Variants in LCA5 observed in about 807,000 individuals in gnomAD.
LCA5 encodes lebercilin.
In LCA5, 37 loss-of-function variants were observed where a neutral mutation model predicts 53.0. The ratio of observed to expected loss-of-function variants is 0.70; its 90% CI spans 0.54 to 0.92. The LOEUF is 0.92. LCA5 is among the 40% of genes least tolerant of loss of function. The pLI is 0.00. For missense variants in LCA5, 806 were observed against 790.5 expected, an observed-to-expected ratio of 1.02 and a Z score of -0.23; for synonymous variants, 303 against 282.9, an observed-to-expected ratio of 1.07 and a Z score of -0.71.
intron 3 of LCA5, among the ~76,000 whole-genome samples, chr6:79,506,374 T>G (rs1168661851): frequency 1.3e-5 from 2 of 152,180 alleles, no homozygotes; most frequent in African/African-American, 4.8e-5. Flanking sequence ...GAAGACAGTT[T>G]CCCATTTCAT....
intron 1 of LCA5, among the ~76,000 whole-genome samples, chr6:79,535,985 C>T: frequency 6.6e-6 from 1 of 152,058 alleles, no homozygotes; most frequent in Middle Eastern, 3.2e-3. Context: ...AATTATAGTT[C>T]CACAATATGT....
chr6:79,509,414 A>G (rs2127677422), intron 3 of LCA5, among the ~76,000 whole-genome samples: 1 of 149,740 alleles, frequency 6.7e-6, no homozygotes, highest in South Asian at 2.1e-4. Context: ...AGATCATGTC[A>G]CTGCACTCCA....
chr6:79,507,415 T>C (rs1770299046), intron 3 of LCA5, among the ~76,000 whole-genome samples: 1 of 152,268 alleles, frequency 6.6e-6, no homozygotes, highest in East Asian at 1.9e-4. Flanking sequence ...GTGTCAATAA[T>C]TTTTAAGAGA....
At chr6:79,535,211 G>C (rs1312623432) in intron 1 of LCA5, among the ~76,000 whole-genome samples, 1 of 152,026 alleles carries the variant, frequency 6.6e-6, no homozygotes, top group African/African-American at 2.4e-5. Flanking sequence ...ATAATAAGTG[G>C]GACTGGATCG....
intron 3 of LCA5, among the ~76,000 whole-genome samples, chr6:79,502,414 TG>T (rs1357065315): frequency 6.6e-6 from 1 of 152,222 alleles, no homozygotes; most frequent in Non-Finnish European, 1.5e-5. Flanking sequence ...TAATGAAACC[TG>T]TTTTCTTTAA....
rs2127675424 is a variant in LCA5 at position 79,505,693 on chromosome 6, A to G, written c.720+7519T>C. On this transcript the variant is annotated intron_variant, in intron 3 of 7. Coordinates refer to ENST00000369846, the MANE Select transcript of LCA5 (RefSeq NM_001122769.3). Reference sequence around the variant, plus strand: ...TCCTAATTAGCTTCATTTGTTAGATAAATGCAGAAGAGGTAGAAGAGGCAA... The same window carrying G: ...TCCTAATTAGCTTCATTTGTTAGATGAATGCAGAAGAGGTAGAAGAGGCAA... Among the ~76,000 whole-genome samples the G allele has an allele frequency of 1.3e-5, 2 of 152,322 alleles. 1 individual carries two copies. Among genetic ancestry groups the G allele is most frequent in the South Asian group, 4.1e-4 (2 of 4,830 alleles).
intron 5 of LCA5, 81 bp downstream of exon 5, chr6:79,492,470 T>A: frequency 3.1e-6 from 2 of 651,672 alleles, no homozygotes; most frequent in Admixed American, 2.7e-5. Context: ...GTTCTTTTCC[T>A]TCCCTTCCAT....
intron 3 of LCA5, among the ~76,000 whole-genome samples, chr6:79,494,778 G>C (rs9448731): frequency 6.6e-6 from 1 of 151,952 alleles, no homozygotes; most frequent in South Asian, 2.1e-4. Flanking sequence ...CATTATTAGG[G>C]TGCTCCAATT....
chr6:79,489,362 TA>T (rs1190748619), intron 6 of LCA5, 146 bp from the exon 7 acceptor site: 1 of 808,272 alleles, frequency 1.2e-6, no homozygotes, highest in Non-Finnish European at 2.0e-6. Flanking sequence ...AATCACAAGT[TA>T]TCACTCCTTG....
At chr6:79,498,900 G>C (rs1554192500) in intron 3 of LCA5, among the ~76,000 whole-genome samples, 1 of 152,006 alleles carries the variant, frequency 6.6e-6, no homozygotes. Context: ...TTTTTGATGA[G>C]ATTTTTTTAT....
At chr6:79,510,304 C>G (rs564095042) in intron 3 of LCA5, among the ~76,000 whole-genome samples, 2 of 152,224 alleles carry the variant, frequency 1.3e-5, no homozygotes, top group African/African-American at 4.8e-5. Flanking sequence ...ATAGGCCAAA[C>G]AAACAATAAA....
At chr6:79,488,802 T>C (rs146962287) in intron 7 of LCA5, 5 of 520,290 alleles carry the variant, frequency 9.6e-6, no homozygotes, top group Non-Finnish European at 1.7e-5. Context: ...CTTTAGTAAG[T>C]GGCATCTGAA....
At chr6:79,512,621 C>CAT (rs146227390) in intron 3 of LCA5, among the ~76,000 whole-genome samples, 25,778 of 151,658 alleles carry the variant, frequency 0.17, 2,212 homozygotes, top group East Asian at 0.22. Flanking sequence ...CTGTTTGATA[C>CAT]ATATATATAT....
At chr6:79,516,118 T>A (rs1766429739) in intron 2 of LCA5, among the ~76,000 whole-genome samples, 1 of 151,806 alleles carries the variant, frequency 6.6e-6, no homozygotes, top group Non-Finnish European at 1.5e-5. Context: ...TAAAATTAAT[T>A]TCATTTGTTT....
intron 3 of LCA5, chr6:79,513,010 A>G (rs1766283786): frequency 3.3e-6 from 2 of 603,312 alleles, no homozygotes; most frequent in Non-Finnish European, 5.9e-6. Context: ...TGATCCGTCA[A>G]TCAACATGTA....
At chr6:79,504,180 A>G (rs75172261) in intron 3 of LCA5, among the ~76,000 whole-genome samples, 2,712 of 152,286 alleles carry the variant, frequency 0.018, 78 homozygotes, top group African/African-American at 0.061. Flanking sequence ...GCCAAAAATG[A>G]TTTTAAAATG....
intron 3 of LCA5, among the ~76,000 whole-genome samples, chr6:79,503,279 T>C (rs1562101162): frequency 6.6e-6 from 1 of 152,226 alleles, no homozygotes. Flanking sequence ...GAGTTCCCCA[T>C]GGAGGTGTTT....
chr6:79,499,691 A>T (rs972214518), intron 3 of LCA5, among the ~76,000 whole-genome samples: 1 of 151,256 alleles, frequency 6.6e-6, no homozygotes, highest in Non-Finnish European at 1.5e-5. Flanking sequence ...CTTTTTTTTA[A>T]ATTTTATTTT....
At chr6:79,491,813 T>G in intron 5 of LCA5, 83 bp from the exon 6 acceptor site, 1 of 1,146,038 alleles carries the variant, frequency 8.7e-7, no homozygotes. Context: ...TATATATATA[T>G]ATGCATGTGT....
Sources: allele counts gnomAD v4.1 joint callset (sites outside exome capture counted in the v4.1 genomes callset), GRCh38; gene constraint gnomAD v4.1.1; transcripts MANE v1.5; gene names NCBI Gene and HGNC (gene_info 2026-07-23, HGNC 2026-07-21).